The following ASCC3 variants were observed in gnomAD, a reference collection of about 807,000 sequenced individuals.
ASCC3 encodes the protein ASC-1 complex subunit P200.
Under a neutral mutation model 256.3 loss-of-function variants are expected in ASCC3, and 158 were observed. That is an observed-to-expected ratio of 0.62 (90% CI 0.54 to 0.70). ASCC3 has a LOEUF of 0.70. Among genes scored for constraint, ASCC3 ranks in the 30% least tolerant of loss-of-function variants. ASCC3 has a pLI of 0.00. For missense variants in ASCC3, 2,259 were observed against 2,626.0 expected, an observed-to-expected ratio of 0.86 and a Z score of 3.05; for synonymous variants, 948 against 883.4, an observed-to-expected ratio of 1.07 and a Z score of -1.30.
chr6:100,536,279 T>G (rs918996894), intron 37 of ASCC3, among the ~76,000 whole-genome samples: 3 of 152,192 alleles, frequency 2.0e-5, no homozygotes, highest in African/African-American at 7.2e-5. Context: ...GGAGGAAGAC[T>G]AAGTGAACCC....
chr6:100,631,891 G>C (rs879517707), intron 25 of ASCC3, among the ~76,000 whole-genome samples: 5 of 151,776 alleles, frequency 3.3e-5, no homozygotes, highest in Non-Finnish European at 5.9e-5. Flanking sequence ...CTGAAAAGTA[G>C]GAAAACTTAG....
chr6:100,725,772 A>G (rs970648164), intron 10 of ASCC3, 69 bp from the exon 11 acceptor site: 7 of 1,567,904 alleles, frequency 4.5e-6, no homozygotes, highest in South Asian at 4.5e-5. Flanking sequence ...TGTGATACTC[A>G]GAAAGAAATA....
intron 11 of ASCC3, among the ~76,000 whole-genome samples, chr6:100,725,237 G>A (rs1004513255): frequency 4.6e-5 from 7 of 151,836 alleles, no homozygotes; most frequent in Non-Finnish European, 7.4e-5. Flanking sequence ...GAAAACATCA[G>A]TTAAAAACTC....
chr6:100,647,782 A>G (rs371861468), intron 20 of ASCC3, among the ~76,000 whole-genome samples: 2 of 152,158 alleles, frequency 1.3e-5, no homozygotes, highest in Admixed American at 6.5e-5. Context: ...GCATCTGACT[A>G]TAAGAGACAA....
At chr6:100,854,461 AATT>A (rs1182139855) in intron 3 of ASCC3, among the ~76,000 whole-genome samples, 1 of 152,202 alleles carries the variant, frequency 6.6e-6, no homozygotes, top group Non-Finnish European at 1.5e-5. Flanking sequence ...TAAATGTTAA[AATT>A]ATTACTACAT....
chr6:100,512,855 C>T lies in ASCC3; in HGVS notation c.6139G>A (p.Asp2047Asn), dbSNP rs1288867770. Residue 2047 changes from aspartate to asparagine, a missense_variant, in exon 40 of 42, where the codon GAT (aspartate) becomes AAT (asparagine). This residue lies in a region of ASCC3 where 1,839 missense variants were observed against 2,206.7 expected (regional missense o/e 0.83). Transcript: ENST00000369162. Reference sequence around the variant, plus strand: ...TCATTATGTCCTTCAACTAAGTCATCCCACGAGCCTTTAACACTTATGCCA... The same window carrying T: ...TCATTATGTCCTTCAACTAAGTCATTCCACGAGCCTTTAACACTTATGCCA... ...NVGISVKGSW[D>N]DLVEGHNELS... The T allele has an allele frequency of 1.2e-6, 2 of 1,613,920 alleles. No individual in the cohort carries two copies. Among genetic ancestry groups the T allele is most frequent in the Non-Finnish European group, 1.7e-6 (2 of 1,179,986 alleles).
At chr6:100,695,499 A>C (rs1778040655) in intron 13 of ASCC3, among the ~76,000 whole-genome samples, 2 of 152,112 alleles carry the variant, frequency 1.3e-5, no homozygotes, top group Non-Finnish European at 2.9e-5. Flanking sequence ...GAGTAATAGA[A>C]ACTAAAGTGC....
chr6:100,765,795 C>T (rs970741591), intron 10 of ASCC3, among the ~76,000 whole-genome samples: 2 of 152,174 alleles, frequency 1.3e-5, no homozygotes, highest in East Asian at 1.9e-4. Context: ...TGGTATTTTG[C>T]TATGGGGGCC....
chr6:100,874,330 G>T (rs1773887443), intron 1 of ASCC3, among the ~76,000 whole-genome samples: 1 of 151,988 alleles, frequency 6.6e-6, no homozygotes, highest in South Asian at 2.1e-4. Context: ...GTTGGGCGTG[G>T]TGGTGCGCAC....
At chr6:100,535,992 G>A (rs969819771) in intron 37 of ASCC3, among the ~76,000 whole-genome samples, 2 of 152,124 alleles carry the variant, frequency 1.3e-5, no homozygotes, top group African/African-American at 4.8e-5. Flanking sequence ...AATATTTAAT[G>A]CTATAAATTA....
chr6:100,517,582 G>A (rs1405220635), intron 38 of ASCC3, among the ~76,000 whole-genome samples: 1 of 152,084 alleles, frequency 6.6e-6, no homozygotes, highest in Non-Finnish European at 1.5e-5. Context: ...TTTTGCAGAT[G>A]CACAATTTAC....
intron 10 of ASCC3, among the ~76,000 whole-genome samples, chr6:100,763,797 C>T (rs1781520617): frequency 6.6e-6 from 1 of 152,178 alleles, no homozygotes; most frequent in Non-Finnish European, 1.5e-5. Context: ...ATGTCCCCCG[C>T]TTATTGGGGC....
chr6:100,545,557 C>G (rs978870704), intron 36 of ASCC3, among the ~76,000 whole-genome samples: 2 of 152,052 alleles, frequency 1.3e-5, no homozygotes, highest in East Asian at 1.9e-4. Context: ...TGGAACAAAA[C>G]AGGGATTTCT....
intron 4 of ASCC3, among the ~76,000 whole-genome samples, chr6:100,815,431 T>C (rs1344196032): frequency 6.6e-6 from 1 of 151,678 alleles, no homozygotes; most frequent in Non-Finnish European, 1.5e-5. Flanking sequence ...AAAATTCACA[T>C]AGAACCAAAA....
At chr6:100,855,148 C>G (rs1029399278) in intron 3 of ASCC3, among the ~76,000 whole-genome samples, 1 of 150,454 alleles carries the variant, frequency 6.6e-6, no homozygotes, top group African/African-American at 2.5e-5. Flanking sequence ...GGGTCTGACT[C>G]TGTCACCCAG....
intron 36 of ASCC3, among the ~76,000 whole-genome samples, chr6:100,569,503 C>G (rs957855090): frequency 2.5e-4 from 38 of 152,130 alleles, no homozygotes; most frequent in African/African-American, 9.2e-4. Flanking sequence ...CTGCCTCAGC[C>G]TCCCGAGTAG....
chr6:100,763,342 C>T (rs1353545994), intron 10 of ASCC3, among the ~76,000 whole-genome samples: 1 of 152,122 alleles, frequency 6.6e-6, no homozygotes, highest in Admixed American at 6.5e-5. Context: ...GCACATAGTC[C>T]CTGCCCTTAC....
At chr6:100,848,749 A>G in intron 3 of ASCC3, 42 bp from the exon 4 acceptor site, 2 of 1,584,132 alleles carry the variant, frequency 1.3e-6, no homozygotes, top group Non-Finnish European at 1.7e-6. Context: ...CAATTGAATC[A>G]TGGTTCAAGT....
intron 20 of ASCC3, among the ~76,000 whole-genome samples, chr6:100,648,130 C>A (rs774673936): frequency 1.3e-5 from 2 of 152,054 alleles, no homozygotes; most frequent in African/African-American, 2.4e-5. Context: ...AGCATCTACT[C>A]AAAGCCAGGA....
Sources: gnomAD v4.1 joint callset for allele counts (sites outside exome capture counted in the v4.1 genomes callset) on GRCh38, gnomAD v4.1.1 for gene constraint, gnomAD v4.1.1 regional missense constraint, MANE v1.5 for transcripts, NCBI Gene and HGNC (gene_info 2026-07-23, HGNC 2026-07-21) for gene names.